MYO1D: variants seen among roughly 807,000 people sequenced by gnomAD.
MYO1D encodes the protein unconventional myosin-Id.
In MYO1D, 83 loss-of-function variants were observed where a neutral mutation model predicts 122.0. That is an observed-to-expected ratio of 0.68 (90% CI 0.57 to 0.82). The LOEUF is 0.82. Among genes scored for constraint, MYO1D ranks in the 40% least tolerant of loss-of-function variants. The pLI is 0.00. For synonymous variants in MYO1D, 464 were observed against 446.9 expected (o/e 1.04, Z -0.48); for missense variants, 1,157 against 1,269.5 (o/e 0.91, Z 1.35).
At chr17:32,859,514 A>ATT (rs1231155900) in intron 1 of MYO1D, among the ~76,000 whole-genome samples, 1 of 152,156 alleles carries the variant, frequency 6.6e-6, no homozygotes, top group African/African-American at 2.4e-5. Context: ...CCCCAACCCA[A>ATT]TGGCTTTAGG....
chr17:32,750,624 A>T (rs2089889427), intron 11 of MYO1D, among the ~76,000 whole-genome samples: 2 of 152,136 alleles, frequency 1.3e-5, no homozygotes, highest in Admixed American at 6.5e-5. Context: ...TCAATAAATA[A>T]ATAAATAAAT....
At chr17:32,704,904 AATAAC>A (rs1271390231) in intron 16 of MYO1D, among the ~76,000 whole-genome samples, 4 of 152,200 alleles carry the variant, frequency 2.6e-5, no homozygotes, top group African/African-American at 4.8e-5. Flanking sequence ...TTTAATATAA[AATAAC>A]ATATTTTAAA....
intron 21 of MYO1D, among the ~76,000 whole-genome samples, chr17:32,604,883 G>A (rs1176985978): frequency 1.3e-5 from 2 of 152,228 alleles, no homozygotes; most frequent in Non-Finnish European, 1.5e-5. Flanking sequence ...TCAGCTGGAG[G>A]CTGGAAAAGT....
In MYO1D at chr17:32,745,266, TA is replaced by T; in HGVS notation, c.1557del (p.Phe519LeufsTer34). ...AATAAAGTATCTTTATTTTTGTCAA[TA>T]AAACCAATGACAGAATAGCTAACAG... ...AGDVVYSVIG[F>X]IDKNKDTLFQ... On this transcript the variant is annotated frameshift_variant, in exon 13 of 22. Coordinates refer to ENST00000318217, the MANE Select transcript of MYO1D (RefSeq NM_015194.3). LOFTEE classifies it high-confidence loss of function. 6.5e-7 allele frequency: 1 copy of T among 1,549,118 alleles called. No homozygotes were observed. Among genetic ancestry groups the T allele is most frequent in the Non-Finnish European group, 8.9e-7 (1 of 1,126,496 alleles).
intron 19 of MYO1D, among the ~76,000 whole-genome samples, chr17:32,647,330 AAC>A (rs1202824118): frequency 1.3e-5 from 2 of 152,238 alleles, no homozygotes; most frequent in African/African-American, 4.8e-5. Flanking sequence ...CTTGGGATTG[AAC>A]AGTTTCTAAA....
intron 21 of MYO1D, among the ~76,000 whole-genome samples, chr17:32,570,101 T>A (rs895127440): frequency 6.6e-6 from 1 of 152,190 alleles, no homozygotes; most frequent in South Asian, 2.1e-4. Flanking sequence ...GAGTTCTGTT[T>A]AAGTCTGACC....
intron 1 of MYO1D, among the ~76,000 whole-genome samples, chr17:32,821,937 TAGTTCAACC>T (rs1368898700): frequency 6.6e-6 from 1 of 152,188 alleles, no homozygotes; most frequent in Non-Finnish European, 1.5e-5. Flanking sequence ...GACTGTAAAC[TAGTTCAACC>T]ATTGTGGAAG....
At chr17:32,536,448 G>A (rs993603834) in intron 21 of MYO1D, among the ~76,000 whole-genome samples, 2 of 152,150 alleles carry the variant, frequency 1.3e-5, no homozygotes, top group Non-Finnish European at 2.9e-5. Flanking sequence ...ATTGTATCAG[G>A]TCATTTTAAA....
At chr17:32,778,143 C>G (rs2090197029) in intron 3 of MYO1D, among the ~76,000 whole-genome samples, 1 of 152,202 alleles carries the variant, frequency 6.6e-6, no homozygotes, top group Admixed American at 6.5e-5. Flanking sequence ...TAAATTATAA[C>G]AGCTCTGCTG....
intron 20 of MYO1D, among the ~76,000 whole-genome samples, chr17:32,616,769 A>G (rs774026733): frequency 6.6e-6 from 1 of 152,230 alleles, no homozygotes; most frequent in Non-Finnish European, 1.5e-5. Flanking sequence ...TAGGCTTACT[A>G]TATGACTGGC....
intron 21 of MYO1D, among the ~76,000 whole-genome samples, chr17:32,584,234 CT>C (rs2087366621): frequency 6.6e-6 from 1 of 152,210 alleles, no homozygotes; most frequent in African/African-American, 2.4e-5. Flanking sequence ...AAACCACTTT[CT>C]TTATACTTCC....
chr17:32,598,494 G>T (rs917911132), intron 21 of MYO1D, among the ~76,000 whole-genome samples: 1 of 152,222 alleles, frequency 6.6e-6, no homozygotes, highest in Admixed American at 6.5e-5. Flanking sequence ...GGACTTGCTG[G>T]TATCAGGTGT....
At chr17:32,600,437 A>G (rs2087548978) in intron 21 of MYO1D, among the ~76,000 whole-genome samples, 1 of 152,222 alleles carries the variant, frequency 6.6e-6, no homozygotes, top group African/African-American at 2.4e-5. Flanking sequence ...GTGTAAGGCT[A>G]TTTTGTCTGC....
chr17:32,679,277 G>T (rs1391109143), intron 16 of MYO1D, among the ~76,000 whole-genome samples: 2 of 151,448 alleles, frequency 1.3e-5, no homozygotes, highest in Admixed American at 1.3e-4. Flanking sequence ...GATCCCATTT[G>T]TCAATTTTGT....
chr17:32,749,051 C>T (rs1267660613), intron 11 of MYO1D, 45 bp from the exon 12 acceptor site: 1 of 1,524,276 alleles, frequency 6.6e-7, no homozygotes, highest in Non-Finnish European at 9.1e-7. Context: ...GACATTTTTG[C>T]TTTCCTAAAA....
chr17:32,732,197 G>C (rs547964956), intron 14 of MYO1D, among the ~76,000 whole-genome samples: 107 of 152,348 alleles, frequency 7.0e-4, no homozygotes, highest in African/African-American at 2.5e-3. Flanking sequence ...TCTGGACTCT[G>C]TGGGTGCTGT....
intron 16 of MYO1D, among the ~76,000 whole-genome samples, chr17:32,684,749 G>A (rs1471635534): frequency 1.3e-5 from 2 of 152,114 alleles, no homozygotes; most frequent in Non-Finnish European, 1.5e-5. Context: ...CACTGTTGAC[G>A]GTTGATGGTT....
intron 21 of MYO1D, among the ~76,000 whole-genome samples, chr17:32,588,235 A>C (rs2087408467): frequency 2.0e-5 from 3 of 152,188 alleles, no homozygotes; most frequent in Admixed American, 1.3e-4. Flanking sequence ...GTGGATCTGC[A>C]TGACCTGAAA....
chr17:32,874,304 C>CTCTCTCTCTCTCTGTTTCTCTG (rs6146033), intron 1 of MYO1D, among the ~76,000 whole-genome samples: 2 of 149,162 alleles, frequency 1.3e-5, no homozygotes, highest in South Asian at 2.1e-4. Flanking sequence ...GTCTCTGTCT[C>CTCTCTCTCTCTCTGTTTCTCTG]TCTCTCTCTC....
Sources: allele counts gnomAD v4.1 joint callset (sites outside exome capture counted in the v4.1 genomes callset), GRCh38; gene constraint gnomAD v4.1.1; transcripts MANE v1.5; gene names NCBI Gene and HGNC (gene_info 2026-07-23, HGNC 2026-07-21).